SORCS1: variants seen among roughly 807,000 people sequenced by gnomAD.
SORCS1 encodes VPS10 domain-containing receptor SorCS1.
In SORCS1, 60 loss-of-function variants were observed where a neutral mutation model predicts 146.1. That is an observed-to-expected ratio of 0.41 (90% CI 0.33 to 0.51). SORCS1 has a LOEUF of 0.51. Among genes scored for constraint, SORCS1 ranks in the 20% least tolerant of loss-of-function variants. The probability of loss-of-function intolerance (pLI) is 0.21; values close to 1 mark genes in which losing one functional copy is unlikely to be tolerated. For synonymous variants in SORCS1, 637 were observed against 584.0 expected (o/e 1.09, Z -1.31); for missense variants, 1,352 against 1,487.6 (o/e 0.91, Z 1.50).
intron 6 of SORCS1, among the ~76,000 whole-genome samples, chr10:106,714,244 A>G (rs1855206276): frequency 6.6e-6 from 1 of 151,918 alleles, no homozygotes; most frequent in Non-Finnish European, 1.5e-5. Flanking sequence ...ATTCAACAAC[A>G]AAGATATTTA....
Position 106,578,894 on chromosome 10 carries a change from A to T in SORCS1, c.3371+475T>A, listed in dbSNP as rs180746702. ...GAGGAATAAACTAATGAGAGAAAAAAACTAGATAGAAGCAAGAGGTTTGTT... is the reference window on the plus strand; with the variant it reads ...GAGGAATAAACTAATGAGAGAAAAATACTAGATAGAAGCAAGAGGTTTGTT... On this transcript the variant is annotated intron_variant, in intron 25 of 25. Transcript: ENST00000263054. 2.7e-4 allele frequency: 376 copies of T among 1,413,004 alleles called. 1 individual carries two copies. In the African/African-American group the frequency reaches 4.2e-3, roughly 16 times the overall value. The allele number at this position is 1,413,004 out of a possible 1,614,324, so 87.5% of individuals were successfully genotyped here.
chr10:106,628,767 C>T (rs1848253151), intron 19 of SORCS1, among the ~76,000 whole-genome samples: 1 of 152,156 alleles, frequency 6.6e-6, no homozygotes, highest in South Asian at 2.1e-4. Context: ...TATGAGAAGA[C>T]AGAAATAATC....
At chr10:106,597,661 A>T (rs1351431891) in intron 23 of SORCS1, among the ~76,000 whole-genome samples, 1 of 152,240 alleles carries the variant, frequency 6.6e-6, no homozygotes, top group African/African-American at 2.4e-5. Context: ...ATTGCAACAA[A>T]ATAGAAGAAA....
In SORCS1 at chr10:107,164,624, A is replaced by C; in HGVS notation, c.-98T>G. 9.8e-7 allele frequency: 1 copy of C among 1,019,302 alleles called. No individual in the cohort carries two copies. The highest frequency in any genetic ancestry group is 4.3e-5 in the Admixed American group (1 of 23,360). 63.1% of individuals were successfully genotyped at this position (1,019,302 alleles called of 1,614,324 possible). A position where few individuals can be genotyped will look rare whatever the true frequency, so the allele number is the denominator to read the frequency against. ...GTGGGGGGCCGGCGCTCAGGACCCCAACTCCATCCAAGTTGCGCCGCGGTG... is the reference window on the plus strand; with the variant it reads ...GTGGGGGGCCGGCGCTCAGGACCCCCACTCCATCCAAGTTGCGCCGCGGTG... On this transcript the variant is annotated 5_prime_UTR_variant, in exon 1 of 26. Transcript: ENST00000263054. This position sits in a 1 kb window ranked among gnomAD's most constrained non-coding sequence, Gnocchi z 6.8.
At chr10:106,920,633 C>G (rs1241966718) in intron 2 of SORCS1, among the ~76,000 whole-genome samples, 1 of 152,156 alleles carries the variant, frequency 6.6e-6, no homozygotes, top group African/African-American at 2.4e-5. Flanking sequence ...TTTCTTGACT[C>G]AACTTGCCGC....
intron 5 of SORCS1, among the ~76,000 whole-genome samples, chr10:106,738,950 A>G (rs1488683014): frequency 6.6e-6 from 1 of 152,190 alleles, no homozygotes; most frequent in African/African-American, 2.4e-5. Context: ...GGCCTCCCAA[A>G]GTTCTGAGAT....
At chr10:106,578,929 C>A in intron 25 of SORCS1, 1 of 1,418,936 alleles carries the variant, frequency 7.0e-7, no homozygotes, top group Non-Finnish European at 9.2e-7. Flanking sequence ...TTGTTTTTCC[C>A]CCATCCCAAT....
chr10:106,815,375 C>A (rs1348007710), intron 3 of SORCS1, among the ~76,000 whole-genome samples: 1 of 152,134 alleles, frequency 6.6e-6, no homozygotes, highest in African/African-American at 2.4e-5. Flanking sequence ...TATCCAGTAT[C>A]CAATTTCAAC....
Position 106,718,916 on chromosome 10 carries a change from C to T in SORCS1, c.1025-9575G>A, listed in dbSNP as rs972546919. ...TACAAACCTTTAGCTAGACACAGAC[C>T]GCTGATGGGTGCGTTTTTACAGAGT... On this transcript the variant is annotated intron_variant, in intron 6 of 25. Coordinates refer to ENST00000263054, the MANE Select transcript of SORCS1 (RefSeq NM_052918.5). Among the ~76,000 whole-genome samples, 7 of 151,906 alleles carry T rather than the reference C, an allele frequency of 4.6e-5. 1 individual carries two copies. The highest frequency in any genetic ancestry group is 1.3e-4 in the Admixed American group (2 of 15,238).
intron 2 of SORCS1, among the ~76,000 whole-genome samples, chr10:106,925,313 C>G (rs1952959710): frequency 6.6e-6 from 1 of 152,122 alleles, no homozygotes. Flanking sequence ...AGGCTGCCCT[C>G]TCTGCATGAT....
intron 3 of SORCS1, among the ~76,000 whole-genome samples, chr10:106,817,038 C>T (rs549659212): frequency 1.3e-5 from 2 of 152,240 alleles, no homozygotes; most frequent in South Asian, 2.1e-4. Context: ...GGAGAAAATA[C>T]GTAAATCAGT....
intron 5 of SORCS1, among the ~76,000 whole-genome samples, chr10:106,742,530 C>A (rs1857436533): frequency 6.6e-6 from 1 of 152,086 alleles, no homozygotes; most frequent in Non-Finnish European, 1.5e-5. Flanking sequence ...TAGGCGCATG[C>A]CACCACACCC....
Position 106,993,966 on chromosome 10 carries a change from C to T in SORCS1, c.559-37386G>A, listed in dbSNP as rs921426698. Among the ~76,000 whole-genome samples the T allele has an allele frequency of 7.0e-5, 10 of 142,170 alleles. No homozygotes were observed. In the South Asian group the frequency reaches 1.2e-3, roughly 17 times the overall value. The allele number at this position is 142,170 out of a possible 152,430, so 93.3% of individuals were successfully genotyped here. A position where few individuals can be genotyped will look rare whatever the true frequency, so the allele number is the denominator to read the frequency against. On this transcript the variant is annotated intron_variant, in intron 1 of 25. Transcript: ENST00000263054. The stretch of plus-strand genomic sequence containing the variant: ...GCCCATGCCTGTAGCCTCAGTTACT[C>T]GGGAGGATCGCTTGAGCCTGGAAGG...
At chr10:107,058,411 T>C (rs985979915) in intron 1 of SORCS1, among the ~76,000 whole-genome samples, 2 of 152,202 alleles carry the variant, frequency 1.3e-5, no homozygotes, top group African/African-American at 4.8e-5. Flanking sequence ...GGCTAATATA[T>C]AATTTTTATT....
intron 5 of SORCS1, among the ~76,000 whole-genome samples, chr10:106,746,397 T>C (rs1857747941): frequency 6.6e-6 from 1 of 152,192 alleles, no homozygotes; most frequent in African/African-American, 2.4e-5. Flanking sequence ...GCCCAAATCT[T>C]ATTAAGGACA....
At chr10:106,709,036 A>G (rs1854750533) in intron 7 of SORCS1, among the ~76,000 whole-genome samples, 187 bp downstream of exon 7, 1 of 152,158 alleles carries the variant, frequency 6.6e-6, no homozygotes, top group Admixed American at 6.5e-5. Flanking sequence ...CTGTTAGTAT[A>G]GAAGATTCCA....
At chr10:106,936,482 G>A (rs1228405496) in intron 2 of SORCS1, among the ~76,000 whole-genome samples, 1 of 152,176 alleles carries the variant, frequency 6.6e-6, no homozygotes, top group Admixed American at 6.5e-5. Context: ...GCATCAAGCA[G>A]AGAAGAATGT....
chr10:107,163,164 C>T (rs1969835157), intron 1 of SORCS1, among the ~76,000 whole-genome samples: 1 of 152,238 alleles, frequency 6.6e-6, no homozygotes, highest in Non-Finnish European at 1.5e-5. Context: ...TGGAATTGAG[C>T]AATCCCTTTC....
At chr10:107,119,137 TA>T (rs1966229332) in intron 1 of SORCS1, among the ~76,000 whole-genome samples, 1 of 152,078 alleles carries the variant, frequency 6.6e-6, no homozygotes, top group Non-Finnish European at 1.5e-5. Context: ...CTGAAACTGG[TA>T]ATATAGGAAG....
Sources: allele counts gnomAD v4.1 joint callset (sites outside exome capture counted in the v4.1 genomes callset), GRCh38; gene constraint gnomAD v4.1.1; non-coding constraint Gnocchi (gnomAD v3.1); transcripts MANE v1.5; gene names NCBI Gene and HGNC (gene_info 2026-07-23, HGNC 2026-07-21).